CAPZB: variants seen among roughly 807,000 people sequenced by gnomAD.
The protein encoded by CAPZB is F-actin-capping protein subunit beta.
In CAPZB, 2 loss-of-function variants were observed where a neutral mutation model predicts 38.1. The observed-to-expected ratio is 0.05, with a 90% CI of 0.02 to 0.17. CAPZB has a LOEUF of 0.17. Ranked by LOEUF, CAPZB falls within the 10% of genes least tolerant of loss-of-function variation. The pLI is 1.00. For missense variants in CAPZB, 161 were observed against 334.2 expected, an observed-to-expected ratio of 0.48 and a Z score of 4.04; for synonymous variants, 107 against 127.4, an observed-to-expected ratio of 0.84 and a Z score of 1.08.
In CAPZB at chr1:19,401,198, A is replaced by C. The variant is rs528955682; in HGVS notation, c.94-15572T>G. ...AATTTCCTACACATAGGCAGAATAA[A>C]AACCAAAAAGGAAAAAAAAAAAACT... On this transcript the variant is annotated intron_variant, in intron 2 of 8. Transcript: ENST00000264202. Among the ~76,000 whole-genome samples the C allele has an allele frequency of 5.5e-5, 8 of 146,386 alleles. No homozygotes were observed. The South Asian group carries it at 1.7e-3, about 32-fold the overall frequency.
chr1:19,381,569 C>T (rs998018901), intron 3 of CAPZB, among the ~76,000 whole-genome samples: 3 of 152,110 alleles, frequency 2.0e-5, no homozygotes, highest in Non-Finnish European at 2.9e-5. Context: ...ACGGGCATGG[C>T]GCCCAGGTGC....
chr1:19,478,832 C>T (rs1341526793), intron 1 of CAPZB, among the ~76,000 whole-genome samples: 1 of 152,194 alleles, frequency 6.6e-6, no homozygotes, highest in Non-Finnish European at 1.5e-5. Context: ...GCCAGGTGGG[C>T]CTCGGTTTCC....
chr1:19,468,291 C>CA (rs1051792342), intron 1 of CAPZB, among the ~76,000 whole-genome samples: 3 of 151,970 alleles, frequency 2.0e-5, no homozygotes, highest in East Asian at 1.9e-4. Context: ...TATAACAAAA[C>CA]AAAAAAACAC....
chr1:19,390,705 T>G (rs1226853051), intron 2 of CAPZB, among the ~76,000 whole-genome samples: 1 of 151,452 alleles, frequency 6.6e-6, no homozygotes, highest in East Asian at 1.9e-4. Context: ...GTGGGTAAAG[T>G]GAACTAGGGC....
intron 2 of CAPZB, among the ~76,000 whole-genome samples, chr1:19,391,388 T>C (rs1471026596): frequency 6.6e-6 from 1 of 152,206 alleles, no homozygotes; most frequent in Admixed American, 6.5e-5. Flanking sequence ...ACATTCCATC[T>C]TTTGATCTGC....
intron 8 of CAPZB, among the ~76,000 whole-genome samples, 170 bp from the exon 9 acceptor site, chr1:19,339,787 GGGGTACAT>G (rs1281518108): frequency 6.6e-6 from 1 of 151,936 alleles, no homozygotes; most frequent in Non-Finnish European, 1.5e-5. Flanking sequence ...AAGGGGCAAA[GGGGTACAT>G]GGCCGAGACC....
At position 19,484,680 on chromosome 1, in the gene CAPZB, G is replaced by C. The variant is rs981203959; in HGVS notation, c.3+756C>G. The C allele has an allele frequency of 2.6e-6, 3 of 1,139,966 alleles. No individual in the cohort carries two copies. The Admixed American group carries it at 1.2e-4, about 47-fold the overall frequency. The allele number at this position is 1,139,966 out of a possible 1,614,324, so 70.6% of individuals were successfully genotyped here. A position where few individuals can be genotyped will look rare whatever the true frequency, so the allele number is the denominator to read the frequency against. On this transcript the variant is annotated intron_variant, in intron 1 of 8. Coordinates refer to ENST00000264202, the MANE Select transcript of CAPZB (RefSeq NM_004930.5). ...GGTACAGGGAAGGGGACCCTGGGTC[G>C]TGCACCAGGCAGGGGGCAGGACCCT...
intron 6 of CAPZB, among the ~76,000 whole-genome samples, chr1:19,345,718 G>C (rs1039969550): frequency 6.6e-6 from 1 of 152,256 alleles, no homozygotes; most frequent in Admixed American, 6.5e-5. Flanking sequence ...TGGTGGCTTT[G>C]GGGTGCCATC....
At chr1:19,405,459 G>A (rs2094326336) in intron 2 of CAPZB, among the ~76,000 whole-genome samples, 1 of 139,444 alleles carries the variant, frequency 7.2e-6, no homozygotes, top group South Asian at 2.3e-4. Context: ...TGCGGGCGAA[G>A]AAGTATTAAG....
chr1:19,484,484 C>A (rs917057737), intron 1 of CAPZB: 2 of 1,424,280 alleles, frequency 1.4e-6, no homozygotes, highest in Non-Finnish European at 1.8e-6. Flanking sequence ...TCGAGAAGGG[C>A]CCGCAGAGCA....
intron 1 of CAPZB, among the ~76,000 whole-genome samples, chr1:19,453,512 C>T (rs1047640844): frequency 2.0e-5 from 3 of 152,146 alleles, no homozygotes; most frequent in Non-Finnish European, 4.4e-5. Context: ...CTACCTGCCT[C>T]GGCCTCCCAA....
intron 4 of CAPZB, among the ~76,000 whole-genome samples, chr1:19,362,269 C>CAAAAAA (rs1450452400): frequency 5.3e-5 from 8 of 152,090 alleles, no homozygotes; most frequent in Non-Finnish European, 1.0e-4. Context: ...CAGAGTCTCG[C>CAAAAAA]TCTGTCGCCC....
intron 2 of CAPZB, among the ~76,000 whole-genome samples, chr1:19,411,941 C>T (rs959942819): frequency 6.6e-6 from 1 of 152,198 alleles, no homozygotes; most frequent in Admixed American, 6.5e-5. Context: ...TCCGGAGAGG[C>T]CAGGATGGGC....
intron 1 of CAPZB, among the ~76,000 whole-genome samples, chr1:19,435,624 A>G (rs915249518): frequency 7.2e-5 from 11 of 152,246 alleles, no homozygotes; most frequent in South Asian, 4.1e-4. Flanking sequence ...TTATATGCCA[A>G]TATCTCATGT....
intron 2 of CAPZB, among the ~76,000 whole-genome samples, chr1:19,400,637 G>T (rs191263583): frequency 6.6e-6 from 1 of 152,280 alleles, no homozygotes; most frequent in East Asian, 1.9e-4. Context: ...CAGAGGGCAG[G>T]ATCTAACTTA....
chr1:19,471,352 A>G (rs892979316), intron 1 of CAPZB, among the ~76,000 whole-genome samples: 1 of 152,162 alleles, frequency 6.6e-6, no homozygotes, highest in Non-Finnish European at 1.5e-5. Context: ...ACATGTAATG[A>G]AATTCAAGTG....
chr1:19,423,742 T>TAGTA (rs1279147358), intron 1 of CAPZB, among the ~76,000 whole-genome samples: 1 of 151,752 alleles, frequency 6.6e-6, no homozygotes, highest in Non-Finnish European at 1.5e-5. Context: ...GGCTGGAGTA[T>TAGTA]AGTAGCACAA....
At chr1:19,403,254 T>C (rs563026838) in intron 2 of CAPZB, among the ~76,000 whole-genome samples, 3 of 152,196 alleles carry the variant, frequency 2.0e-5, no homozygotes, top group Non-Finnish European at 4.4e-5. Flanking sequence ...ACAGTGGGGA[T>C]ACAAAGGTGA....
chr1:19,349,382 T>C lies in CAPZB; in HGVS notation c.589-4130A>G, dbSNP rs551810322. On this transcript the variant is annotated intron_variant, in intron 6 of 8. Transcript: ENST00000264202. ...CCTTCCAGCAAATCAGAGTCTCTCC[T>C]CCTCCCCGGCTCCATGTGGACGGCA... Among the ~76,000 whole-genome samples the C allele has an allele frequency of 2.6e-5, 4 of 152,020 alleles. No individual in the cohort carries two copies. In the East Asian group the frequency reaches 7.8e-4, roughly 29 times the overall value.
Sources: allele counts gnomAD v4.1 joint callset (sites outside exome capture counted in the v4.1 genomes callset), GRCh38; gene constraint gnomAD v4.1.1; transcripts MANE v1.5; gene names NCBI Gene and HGNC (gene_info 2026-07-23, HGNC 2026-07-21).